C17orf67: variants seen among roughly 807,000 people sequenced by gnomAD.
The protein encoded by C17orf67 is uncharacterized protein C17orf67.
In C17orf67, 12 loss-of-function variants were observed where a neutral mutation model predicts 11.2. The observed-to-expected ratio is 1.07, with a 90% CI of 0.68 to 1.73. The LOEUF is 1.73. Ranked by LOEUF, C17orf67 falls within the 40% of genes most tolerant of loss-of-function variation. C17orf67 has a pLI of 0.00. For missense variants in C17orf67, 115 were observed against 113.5 expected (o/e 1.01, Z -0.06); for synonymous variants, 59 against 46.9 (o/e 1.26, Z -1.05).
At chr17:56,823,299 ACT>A (rs537896880) in intron 4 of C17orf67, among the ~76,000 whole-genome samples, 100 of 151,940 alleles carry the variant, frequency 6.6e-4, no homozygotes, top group African/African-American at 2.3e-3. Flanking sequence ...AGGTTAGGAG[ACT>A]CTCTAGCACT....
chr17:56,816,458 A>C (rs991142513), intron 4 of C17orf67, among the ~76,000 whole-genome samples: 2 of 152,208 alleles, frequency 1.3e-5, no homozygotes, highest in Non-Finnish European at 2.9e-5. Context: ...TGTGGGGTGC[A>C]ATAAAGGATG....
At chr17:56,814,622 C>G (rs1245535531) in intron 6 of C17orf67, among the ~76,000 whole-genome samples, 3 of 152,208 alleles carry the variant, frequency 2.0e-5, no homozygotes, top group Admixed American at 2.0e-4. Flanking sequence ...TCTCCAGATT[C>G]TAGAACTCCC....
At chr17:56,822,130 C>T (rs773806256) in intron 4 of C17orf67, among the ~76,000 whole-genome samples, 7 of 152,170 alleles carry the variant, frequency 4.6e-5, no homozygotes, top group Non-Finnish European at 8.8e-5. Context: ...CCTGCAGATC[C>T]CTCAGAATAA....
At chr17:56,809,567 GCCTCACACACACC>G (rs1258807759) in intron 6 of C17orf67, among the ~76,000 whole-genome samples, 96 of 85,822 alleles carry the variant, frequency 1.1e-3, no homozygotes, top group African/African-American at 2.9e-3. Flanking sequence ...CACATACACA[GCCTCACACACACC>G]CCTCACACAC....
chr17:56,795,919 C>T (rs1188120263), intron 6 of C17orf67, among the ~76,000 whole-genome samples: 3 of 152,160 alleles, frequency 2.0e-5, no homozygotes, highest in Non-Finnish European at 4.4e-5. Context: ...TATAGTGTGA[C>T]ACTATTTTTA....
chr17:56,830,248 G>A (rs747188165), intron 2 of C17orf67, among the ~76,000 whole-genome samples: 2 of 152,072 alleles, frequency 1.3e-5, no homozygotes, highest in African/African-American at 2.4e-5. Context: ...GGGAGGCTGA[G>A]GCAAGAGAAT....
intron 6 of C17orf67, among the ~76,000 whole-genome samples, chr17:56,801,836 A>G (rs184522771): frequency 6.6e-6 from 1 of 152,330 alleles, no homozygotes; most frequent in Non-Finnish European, 1.5e-5. Flanking sequence ...TTCCCAGCAT[A>G]TAACTTTACT....
chr17:56,792,974 A>G (rs285607), intron 7 of C17orf67, among the ~76,000 whole-genome samples: 2 of 128,548 alleles, frequency 1.6e-5, no homozygotes, highest in East Asian at 2.4e-4. Flanking sequence ...TGATGGTGAT[A>G]GTGATGGTGA....
intron 6 of C17orf67, among the ~76,000 whole-genome samples, chr17:56,813,135 CG>C (rs1338745177): frequency 5.9e-5 from 9 of 152,234 alleles, no homozygotes; most frequent in Middle Eastern, 3.4e-3. Flanking sequence ...CAGCCCCTGC[CG>C]GGTCCCTGAG....
intron 6 of C17orf67, 130 bp downstream of exon 6, chr17:56,814,739 G>T: frequency 1.2e-6 from 1 of 845,868 alleles, no homozygotes; most frequent in Non-Finnish European, 2.0e-6. Flanking sequence ...TGAGATTGCA[G>T]CTATCTTCTA....
At chr17:56,806,393 CATCAA>C (rs1030324508) in intron 6 of C17orf67, among the ~76,000 whole-genome samples, 1 of 152,170 alleles carries the variant, frequency 6.6e-6, no homozygotes, top group Non-Finnish European at 1.5e-5. Flanking sequence ...ACAATTCAAA[CATCAA>C]ATCACCACCT....
In C17orf67 at chr17:56,821,081, T is replaced by TTTTA. The variant is rs1043304601; in HGVS notation, c.-201+3654_-201+3657dup. Among the ~76,000 whole-genome samples, 40 of 152,118 alleles carry TTTTA rather than the reference T, an allele frequency of 2.6e-4. No homozygotes were observed. In the South Asian group the frequency reaches 4.8e-3, roughly 18 times the overall value. On this transcript the variant is annotated intron_variant, in intron 4 of 7. Transcript: ENST00000397861. ...TGCACTACCATGCCCAGCTAATTAT[T>TTTTA]TTTATTTATTTATTTATTTATTTTA...
intron 2 of C17orf67, among the ~76,000 whole-genome samples, chr17:56,827,042 A>G (rs1460040084): frequency 1.3e-5 from 2 of 152,248 alleles, no homozygotes; most frequent in Non-Finnish European, 2.9e-5. Context: ...TGTTTAATAA[A>G]TAACCAACAA....
At chr17:56,792,995 G>A (rs940248046) in intron 7 of C17orf67, among the ~76,000 whole-genome samples, 5 of 150,472 alleles carry the variant, frequency 3.3e-5, no homozygotes, top group African/African-American at 1.2e-4. Context: ...TGATGTTGGT[G>A]GTGGTGATTG....
intron 4 of C17orf67, among the ~76,000 whole-genome samples, chr17:56,819,597 C>T (rs1905848633): frequency 6.6e-6 from 1 of 152,042 alleles, no homozygotes; most frequent in African/African-American, 2.4e-5. Context: ...TGGGGAGGGC[C>T]GTTCAGGTGT....
intron 2 of C17orf67, among the ~76,000 whole-genome samples, chr17:56,827,928 C>G (rs150404410): frequency 6.6e-6 from 1 of 152,250 alleles, no homozygotes; most frequent in South Asian, 2.1e-4. Flanking sequence ...GATGCTGGGC[C>G]GGTCGCAGTG....
chr17:56,806,966 G>A (rs1184697610), intron 6 of C17orf67, among the ~76,000 whole-genome samples: 1 of 152,188 alleles, frequency 6.6e-6, no homozygotes, highest in African/African-American at 2.4e-5. Flanking sequence ...CCATTATGAG[G>A]GTAAAACAGT....
chr17:56,832,972 G>C lies in C17orf67; in HGVS notation c.-631C>G, dbSNP rs1323840183. ...CTAATCGTTTGGAAGATATTATCAAGTATTTCTTTGCAGTTTTCCTATGAT... is the reference window on the plus strand; with the variant it reads ...CTAATCGTTTGGAAGATATTATCAACTATTTCTTTGCAGTTTTCCTATGAT... On this transcript the variant is annotated 5_prime_UTR_variant, in exon 2 of 8. It introduces an in-frame stop codon into an upstream open reading frame of the 5' UTR. Coordinates refer to ENST00000397861, the MANE Select transcript of C17orf67 (RefSeq NM_001085430.4). 1.3e-5 allele frequency: 2 copies of C among 152,244 alleles called. No individual in the cohort carries two copies. Among genetic ancestry groups the C allele is most frequent in the African/African-American group, 4.8e-5 (2 of 41,454 alleles). 9.4% of individuals were successfully genotyped at this position (152,244 alleles called of 1,614,324 possible). A position where few individuals can be genotyped will look rare whatever the true frequency, so the allele number is the denominator to read the frequency against.
At chr17:56,825,350 C>T (rs1018361303) in intron 2 of C17orf67, 29 bp from the exon 3 acceptor site, 4 of 152,214 alleles carry the variant, frequency 2.6e-5, no homozygotes, top group Non-Finnish European at 5.9e-5. Context: ...AAACTTAACA[C>T]AGTGCCTAGG....
Sources: gnomAD v4.1 joint callset for allele counts (sites outside exome capture counted in the v4.1 genomes callset) on GRCh38, gnomAD v4.1.1 for gene constraint, MANE v1.5 for transcripts, NCBI Gene and HGNC (gene_info 2026-07-23, HGNC 2026-07-21) for gene names.